Variants in XPOT observed in about 807,000 individuals in gnomAD.
The protein encoded by XPOT is exportin-T.
Under a neutral mutation model 128.2 loss-of-function variants are expected in XPOT, and 34 were observed. That is an observed-to-expected ratio of 0.27 (90% CI 0.20 to 0.35). The LOEUF is 0.35. XPOT is among the 10% of genes least tolerant of loss of function. The pLI is 1.00. For synonymous variants in XPOT, 348 were observed against 394.3 expected, an observed-to-expected ratio of 0.88 and a Z score of 1.39; for missense variants, 838 against 1,125.3, an observed-to-expected ratio of 0.74 and a Z score of 3.65.
chr12:64,429,408 T>C (rs2040218425), intron 16 of XPOT, among the ~76,000 whole-genome samples: 1 of 152,152 alleles, frequency 6.6e-6, no homozygotes, highest in South Asian at 2.1e-4. Flanking sequence ...TGTGTGTTGT[T>C]ACTTAATTAT....
rs751540714 is a variant in XPOT at position 64,430,137 on chromosome 12, C to A, written c.1826C>A (p.Pro609Gln). 6.2e-7 allele frequency: 1 copy of A among 1,613,724 alleles called. No homozygotes were observed. Among genetic ancestry groups the A allele is most frequent in the East Asian group, 2.2e-5 (1 of 44,848 alleles). Residue 609 changes from proline to glutamine, a missense_variant, in exon 17 of 25, where the codon CCG becomes CAG. Physicochemically the swap from Pro to Gln is moderately conservative, Grantham distance 76. Coordinates refer to ENST00000332707, the MANE Select transcript of XPOT (RefSeq NM_007235.6). ...AGVLIVNSEYPAERKQALMRN... is the reference protein window; with the variant it reads ...AGVLIVNSEYQAERKQALMRN... ...GTGCTGATTGTTAATAGTGAATATC[C>A]GGCAGAAAGGAAACAAGCCTTAATG...
Position 64,416,636 on chromosome 12 carries a change from C to T in XPOT, c.144-62C>T. ...TGCTGTATTACTCATTACTATTTTG[C>T]CTTTGATTTGTTTTCCTCAGTTCAT... On this transcript the variant is annotated intron_variant, in intron 3 of 24. Coordinates refer to ENST00000332707, the MANE Select transcript of XPOT (RefSeq NM_007235.6). 4 of 1,390,280 alleles carry T rather than the reference C, an allele frequency of 2.9e-6. No homozygotes were observed. In the Middle Eastern group the frequency reaches 5.4e-4, roughly 189 times the overall value. 86.1% of individuals were successfully genotyped at this position (1,390,280 alleles called of 1,614,324 possible). A position where few individuals can be genotyped will look rare whatever the true frequency, so the allele number is the denominator to read the frequency against.
intron 1 of XPOT, among the ~76,000 whole-genome samples, chr12:64,407,283 G>T (rs947597452): frequency 1.3e-5 from 2 of 152,000 alleles, no homozygotes; most frequent in Non-Finnish European, 2.9e-5. Context: ...TTAGGGGTTC[G>T]AGACCAGCCT....
At chr12:64,422,325 A>G (rs988810869) in intron 9 of XPOT, among the ~76,000 whole-genome samples, 4 of 152,234 alleles carry the variant, frequency 2.6e-5, no homozygotes, top group Non-Finnish European at 4.4e-5. Flanking sequence ...TATTGTAGTA[A>G]ACATAACATG....
At chr12:64,419,648 A>C (rs2040120444) in intron 6 of XPOT, among the ~76,000 whole-genome samples, 1 of 152,178 alleles carries the variant, frequency 6.6e-6, no homozygotes, top group Non-Finnish European at 1.5e-5. Flanking sequence ...AGTGACATAC[A>C]CGAGTTGATT....
chr12:64,404,645 G>A lies in XPOT; in HGVS notation c.-234G>A, dbSNP rs555693814. 2.0e-5 allele frequency: 3 copies of A among 152,622 alleles called. No individual in the cohort carries two copies. The South Asian group carries it at 6.0e-4, about 31-fold the overall frequency. The allele number at this position is 152,622 out of a possible 1,614,324, so 9.5% of individuals were successfully genotyped here. A position where few individuals can be genotyped will look rare whatever the true frequency, so the allele number is the denominator to read the frequency against. ...AGAGCGACTAGAGGCGCGCGGTCCCGGCCAGCACCGTCTCTGGCGTTGTAG... is the reference window on the plus strand; with the variant it reads ...AGAGCGACTAGAGGCGCGCGGTCCCAGCCAGCACCGTCTCTGGCGTTGTAG... On this transcript the variant is annotated 5_prime_UTR_variant, in exon 1 of 25. Transcript: ENST00000332707.
chr12:64,418,190 T>C, intron 5 of XPOT, 75 bp downstream of exon 5: 1 of 1,258,970 alleles, frequency 7.9e-7, no homozygotes, highest in Non-Finnish European at 1.1e-6. Context: ...TTTGGAACTT[T>C]ACCTCAAAGA....
In XPOT at chr12:64,439,432, G is replaced by A. The variant is rs7967013; in HGVS notation, c.2805+117G>A. On this transcript the variant is annotated intron_variant, in intron 23 of 24. Coordinates refer to ENST00000332707, the MANE Select transcript of XPOT (RefSeq NM_007235.6). ...TTTCATATTACATAAGTTGTTGCCA[G>A]CATCTCAAAATACTGTTTATGCTTA... The A allele has an allele frequency of 2.4e-3, 2,227 of 918,114 alleles. 31 individuals carry two copies. In the African/African-American group the frequency reaches 0.033, roughly 14 times the overall value. 56.9% of individuals were successfully genotyped at this position (918,114 alleles called of 1,614,324 possible). A position where few individuals can be genotyped will look rare whatever the true frequency, so the allele number is the denominator to read the frequency against.
chr12:64,433,600 C>A lies in XPOT; in HGVS notation c.2449C>A (p.Gln817Lys). 6.3e-7 allele frequency: 1 copy of A among 1,597,142 alleles called. No homozygotes were observed. Among genetic ancestry groups the A allele is most frequent in the Non-Finnish European group, 8.6e-7 (1 of 1,169,110 alleles). The change falls in exon 19 of 25, where the codon CAA (glutamine) becomes AAA (lysine). Residue 817 changes from glutamine (Q) to lysine (K), a missense_variant. By Grantham distance (53) the Gln-to-Lys change is moderately conservative. Transcript: ENST00000332707. ...GSGMSEVIAN[Q>K]GAENVERVLV... The stretch of plus-strand genomic sequence containing the variant: ...TGGGATGAGCGAAGTTATAGCAAAT[C>A]AAGGTGGGAACACATGCCATATCTA...
Position 64,449,781 on chromosome 12 carries a change from C to T in XPOT, c.*1650C>T, listed in dbSNP as rs1324111888. 2.0e-5 allele frequency: 3 copies of T among 152,200 alleles called. No individual in the cohort carries two copies. The highest frequency in any genetic ancestry group is 4.4e-5 in the Non-Finnish European group (3 of 68,048). 9.4% of individuals were successfully genotyped at this position (152,200 alleles called of 1,614,324 possible). ...AAGCTGAGTGTTTCTTTGATAGGTT[C>T]CCCTGTACTATAGGAGTGATAATTG... is the stretch of plus-strand genomic sequence containing the variant. On this transcript the variant is annotated 3_prime_UTR_variant, in exon 25 of 25. Transcript: ENST00000332707.
intron 17 of XPOT, among the ~76,000 whole-genome samples, chr12:64,431,174 C>T (rs1172687540): frequency 6.6e-6 from 1 of 152,126 alleles, no homozygotes; most frequent in African/African-American, 2.4e-5. Flanking sequence ...GAACTCCTGG[C>T]CTCAAGTGAT....
chr12:64,410,019 C>A lies in XPOT; in HGVS notation c.-17C>A, dbSNP rs1387689521. On this transcript the variant is annotated 5_prime_UTR_variant, in exon 2 of 25. Coordinates refer to ENST00000332707, the MANE Select transcript of XPOT (RefSeq NM_007235.6). Reference sequence around the variant, plus strand: ...CACGCCTATTACAACCAGAAAACTACAAGTATAACAGCGAGGATGGATGAA... The same window carrying A: ...CACGCCTATTACAACCAGAAAACTAAAAGTATAACAGCGAGGATGGATGAA... 1 of 1,612,798 alleles carries A rather than the reference C, an allele frequency of 6.2e-7. No homozygotes were observed. Among genetic ancestry groups the A allele is most frequent in the South Asian group, 1.1e-5 (1 of 90,998 alleles).
intron 20 of XPOT, 33 bp from the exon 21 acceptor site, chr12:64,434,761 T>C (rs768772188): frequency 1.3e-6 from 2 of 1,597,096 alleles, no homozygotes; most frequent in South Asian, 1.1e-5. Context: ...CTTACTTTTA[T>C]ATATAAGATG....
chr12:64,425,554 A>G (rs2040184588), intron 14 of XPOT, 97 bp downstream of exon 14: 9 of 1,464,892 alleles, frequency 6.1e-6, no homozygotes, highest in African/African-American at 1.4e-5. Context: ...TCTCAGAATC[A>G]AAACCTCTCA....
chr12:64,404,898 T>A (rs573358342), intron 1 of XPOT, 94 bp downstream of exon 1: 1 of 145,344 alleles, frequency 6.9e-6, no homozygotes, highest in Non-Finnish European at 1.5e-5. Context: ...CCCGGGGGAG[T>A]CCCGACGCCA....
intron 9 of XPOT, among the ~76,000 whole-genome samples, chr12:64,422,039 A>G (rs2136020677): frequency 6.6e-6 from 1 of 152,214 alleles, no homozygotes; most frequent in African/African-American, 2.4e-5. Flanking sequence ...TGAACTCCCT[A>G]CCTCAGGTGA....
intron 22 of XPOT, 25 bp from the exon 23 acceptor site, chr12:64,439,219 G>C (rs779609879): frequency 6.2e-7 from 1 of 1,606,178 alleles, no homozygotes; most frequent in Non-Finnish European, 8.5e-7. Flanking sequence ...CAAGAAAATA[G>C]TTGTAAGTAT....
chr12:64,412,426 T>G (rs1197063418), intron 2 of XPOT, among the ~76,000 whole-genome samples: 3 of 152,160 alleles, frequency 2.0e-5, no homozygotes, highest in Non-Finnish European at 4.4e-5. Context: ...AAACCACCTC[T>G]CCCCTCTTTT....
chr12:64,423,070 C>A, intron 10 of XPOT, 27 bp downstream of exon 10: 1 of 1,611,156 alleles, frequency 6.2e-7, no homozygotes, highest in Non-Finnish European at 8.5e-7. Context: ...TTCTTTTAAA[C>A]CAATGATAGA....
Sources: gnomAD v4.1 joint callset for allele counts (sites outside exome capture counted in the v4.1 genomes callset) on GRCh38, gnomAD v4.1.1 for gene constraint, MANE v1.5 for transcripts, NCBI Gene and HGNC (gene_info 2026-07-23, HGNC 2026-07-21) for gene names.